FAM117A: variants seen among roughly 807,000 people sequenced by gnomAD.
FAM117A encodes the protein protein FAM117A.
In FAM117A, 21 loss-of-function variants were observed where a neutral mutation model predicts 44.1. The ratio of observed to expected loss-of-function variants is 0.48; its 90% CI spans 0.34 to 0.69. The LOEUF (loss-of-function observed/expected upper bound fraction) is 0.69. Among genes scored for constraint, FAM117A ranks in the 30% least tolerant of loss-of-function variants. FAM117A has a pLI of 0.01. For missense variants in FAM117A, 498 were observed against 589.9 expected, an observed-to-expected ratio of 0.84 and a Z score of 1.61; for synonymous variants, 220 against 238.3, an observed-to-expected ratio of 0.92 and a Z score of 0.71.
chr17:49,719,407 C>A (rs1243208516), intron 5 of FAM117A, among the ~76,000 whole-genome samples: 1 of 152,196 alleles, frequency 6.6e-6, no homozygotes, highest in Non-Finnish European at 1.5e-5. Flanking sequence ...GGGCAGGGAG[C>A]AGCAGGCACT....
intron 1 of FAM117A, among the ~76,000 whole-genome samples, chr17:49,782,989 C>T (rs1219435656): frequency 6.6e-6 from 1 of 152,186 alleles, no homozygotes; most frequent in Admixed American, 6.5e-5. Flanking sequence ...CTAAATGTCT[C>T]AGCCCATGGT....
intron 1 of FAM117A, among the ~76,000 whole-genome samples, chr17:49,769,724 A>G (rs2073755509): frequency 6.6e-6 from 1 of 151,982 alleles, no homozygotes; most frequent in Non-Finnish European, 1.5e-5. Context: ...ATAAATAAAT[A>G]AATAAATAAT....
At chr17:49,785,738 TA>T (rs1296392244) in intron 1 of FAM117A, among the ~76,000 whole-genome samples, 1 of 152,184 alleles carries the variant, frequency 6.6e-6, no homozygotes, top group Non-Finnish European at 1.5e-5. Flanking sequence ...ATCCAGCAGT[TA>T]AGTGCAAAAT....
chr17:49,775,050 G>A (rs1311935052), intron 1 of FAM117A, among the ~76,000 whole-genome samples: 3 of 152,038 alleles, frequency 2.0e-5, no homozygotes, highest in South Asian at 2.1e-4. Flanking sequence ...GTGCAGTGGC[G>A]CGATCTCAGC....
chr17:49,724,546 T>C (rs2073550533), intron 2 of FAM117A: 1 of 453,660 alleles, frequency 2.2e-6, no homozygotes, highest in Non-Finnish European at 4.4e-6. Context: ...TTAAAAAGGA[T>C]GTGAGGCTGG....
Position 49,728,567 on chromosome 17 carries a change from C to T in FAM117A, c.366+3984G>A, listed in dbSNP as rs753489425. 7.9e-5 allele frequency among the ~76,000 whole-genome samples: 12 copies of T among 152,106 alleles called. 1 individual carries two copies. In the South Asian group the frequency reaches 2.1e-3, roughly 26 times the overall value. On this transcript the variant is annotated intron_variant, in intron 2 of 7. Coordinates refer to ENST00000240364, the MANE Select transcript of FAM117A (RefSeq NM_030802.4). ...CAGGACAGGTACCCAGAGTCCTGTC[C>T]GTCAGCAGGATGAGACCAACAGGGG...
intron 1 of FAM117A, among the ~76,000 whole-genome samples, chr17:49,756,493 G>A (rs1350164186): frequency 6.6e-6 from 1 of 151,906 alleles, no homozygotes; most frequent in Non-Finnish European, 1.5e-5. Flanking sequence ...TTACAAGATA[G>A]AGAGTTCAGA....
In FAM117A at chr17:49,723,404, C is replaced by T. The variant is rs1023868741; in HGVS notation, c.367-810G>A. Among the ~76,000 whole-genome samples, 9 of 152,294 alleles carry T rather than the reference C, an allele frequency of 5.9e-5. 1 individual carries two copies. The highest frequency in any genetic ancestry group is 1.9e-4 in the African/African-American group (8 of 41,558). ...GGAGGCAGGGAGAGCTGCAGGACTA[C>T]TTCCTGAGCCCCGACCCAAGGGAGG... On this transcript the variant is annotated intron_variant, in intron 2 of 7. Coordinates refer to ENST00000240364, the MANE Select transcript of FAM117A (RefSeq NM_030802.4).
intron 2 of FAM117A, among the ~76,000 whole-genome samples, chr17:49,729,971 C>T (rs1387310190): frequency 6.6e-6 from 1 of 152,186 alleles, no homozygotes; most frequent in African/African-American, 2.4e-5. Context: ...AGGAAAGGAA[C>T]ACCAGTTACT....
At chr17:49,737,291 G>A (rs1431647506) in intron 1 of FAM117A, among the ~76,000 whole-genome samples, 1 of 152,132 alleles carries the variant, frequency 6.6e-6, no homozygotes, top group East Asian at 1.9e-4. Flanking sequence ...GATATTTCTG[G>A]GAGCTTCTGA....
intron 1 of FAM117A, among the ~76,000 whole-genome samples, chr17:49,756,595 CA>C (rs1157569622): frequency 1.4e-5 from 2 of 147,558 alleles, no homozygotes; most frequent in Non-Finnish European, 3.0e-5. Context: ...GGTGATGAAG[CA>C]AGACCCCATC....
intron 1 of FAM117A, among the ~76,000 whole-genome samples, chr17:49,769,243 C>T (rs891209959): frequency 6.6e-6 from 1 of 151,714 alleles, no homozygotes; most frequent in Non-Finnish European, 1.5e-5. Flanking sequence ...TGCAGTAAGC[C>T]GAGATCGTGC....
chr17:49,716,145 T>G lies in FAM117A; in HGVS notation c.1061+20A>C. The G allele has an allele frequency of 2.3e-6, 2 of 868,480 alleles. No homozygotes were observed. Among genetic ancestry groups the G allele is most frequent in the Non-Finnish European group, 3.6e-6 (2 of 550,426 alleles). 53.8% of individuals were successfully genotyped at this position (868,480 alleles called of 1,614,324 possible). ...AGGCCCACCCTCCCCTCCCACACCC[T>G]GTCCACTTGGTGTACTCACGTGGCT... On this transcript the variant is annotated intron_variant, in intron 7 of 7. Coordinates refer to ENST00000240364, the MANE Select transcript of FAM117A (RefSeq NM_030802.4).
At chr17:49,718,417 C>T (rs1442872180) in intron 5 of FAM117A, among the ~76,000 whole-genome samples, 2 of 152,146 alleles carry the variant, frequency 1.3e-5, no homozygotes, top group African/African-American at 4.8e-5. Flanking sequence ...GCCTGTAATC[C>T]CAGCACTTTG....
chr17:49,743,848 T>C (rs893160821), intron 1 of FAM117A, among the ~76,000 whole-genome samples: 1 of 152,152 alleles, frequency 6.6e-6, no homozygotes, highest in African/African-American at 2.4e-5. Context: ...AGAGGACTGC[T>C]TGAGCCCGAG....
At chr17:49,717,426 G>T in intron 6 of FAM117A, 87 bp downstream of exon 6, 1 of 1,137,172 alleles carries the variant, frequency 8.8e-7, no homozygotes, top group Non-Finnish European at 1.3e-6. Context: ...GAGAATGCTA[G>T]GCCTGAATTG....
chr17:49,764,109 C>A lies in FAM117A; in HGVS notation c.-22G>T, dbSNP rs759706958. On this transcript the variant is annotated 5_prime_UTR_variant, in exon 1 of 8. Transcript: ENST00000240364. ...CCATGGCTCTCCCGGCTGCCTGCCT[C>A]AGCCCCACTGCGAGACTCACACAGC... 5.7e-6 allele frequency: 7 copies of A among 1,238,134 alleles called. No homozygotes were observed. In the South Asian group the frequency reaches 2.3e-4, roughly 41 times the overall value. The allele number at this position is 1,238,134 out of a possible 1,614,324, so 76.7% of individuals were successfully genotyped here.
intron 1 of FAM117A, among the ~76,000 whole-genome samples, chr17:49,735,051 C>G (rs897450851): frequency 2.0e-5 from 3 of 152,080 alleles, no homozygotes; most frequent in Admixed American, 2.0e-4. Context: ...TACACAGTCT[C>G]TGTTTGAGAT....
intron 1 of FAM117A, among the ~76,000 whole-genome samples, chr17:49,771,666 C>T (rs912148514): frequency 6.6e-6 from 1 of 152,172 alleles, no homozygotes; most frequent in Non-Finnish European, 1.5e-5. Context: ...GAGAAACCAG[C>T]TGGTTTCTAG....
Sources: gnomAD v4.1 joint callset for allele counts (sites outside exome capture counted in the v4.1 genomes callset) on GRCh38, gnomAD v4.1.1 for gene constraint, MANE v1.5 for transcripts, NCBI Gene and HGNC (gene_info 2026-07-23, HGNC 2026-07-21) for gene names.